RBFOX1: variants seen among roughly 807,000 people sequenced by gnomAD.
The protein encoded by RBFOX1 is RNA binding protein fox-1 homolog 1.
RBFOX1 carries 8 observed loss-of-function variants against 57.7 expected under a neutral mutation model. That is an observed-to-expected ratio of 0.14 (90% confidence interval 0.08 to 0.25). RBFOX1 has a LOEUF of 0.25. Among genes scored for constraint, RBFOX1 ranks in the 10% least tolerant of loss-of-function variants. RBFOX1 has a pLI of 1.00. For synonymous variants in RBFOX1, 326 were observed against 222.4 expected (o/e 1.47, Z -4.15); for missense variants, 611 against 548.5 (o/e 1.11, Z -1.14).
intron 2 of RBFOX1, among the ~76,000 whole-genome samples, chr16:6,597,506 T>C (rs1222645736): frequency 6.6e-6 from 1 of 152,056 alleles, no homozygotes; most frequent in Non-Finnish European, 1.5e-5. Context: ...ACCCTGTCTC[T>C]ACTAAAAATA....
intron 1 of RBFOX1, among the ~76,000 whole-genome samples, chr16:6,192,926 A>G (rs1567649388): frequency 6.6e-6 from 1 of 152,176 alleles, no homozygotes; most frequent in East Asian, 1.9e-4. Context: ...TGAGTGATAT[A>G]TTATGTCGAA....
chr16:7,421,531 T>A (rs148523420), intron 4 of RBFOX1, among the ~76,000 whole-genome samples: 2 of 152,292 alleles, frequency 1.3e-5, no homozygotes, highest in Non-Finnish European at 2.9e-5. Flanking sequence ...AAGGCAGGAA[T>A]CTGAGGTCTG....
intron 3 of RBFOX1, among the ~76,000 whole-genome samples, chr16:5,617,218 A>G (rs951418837): frequency 3.9e-5 from 6 of 152,136 alleles, no homozygotes; most frequent in Non-Finnish European, 8.8e-5. Flanking sequence ...CTTTGACCCC[A>G]GAATCTTTAG....
At chr16:7,532,412 T>C (rs983626048) in intron 5 of RBFOX1, among the ~76,000 whole-genome samples, 3 of 152,164 alleles carry the variant, frequency 2.0e-5, no homozygotes, top group Admixed American at 6.5e-5. Flanking sequence ...AGATAGGGTA[T>C]ATTAATCATT....
At chr16:6,344,921 C>A (rs1331593196) in intron 2 of RBFOX1, among the ~76,000 whole-genome samples, 1 of 149,702 alleles carries the variant, frequency 6.7e-6, no homozygotes, top group Non-Finnish European at 1.5e-5. Flanking sequence ...GAATTTCTGG[C>A]CTCCCAAAGG....
chr16:5,656,767 T>C (rs771178167), intron 3 of RBFOX1, among the ~76,000 whole-genome samples: 17 of 152,214 alleles, frequency 1.1e-4, no homozygotes, highest in Admixed American at 3.3e-4. Context: ...CCATGGTGTA[T>C]ATATGCCACA....
intron 4 of RBFOX1, among the ~76,000 whole-genome samples, chr16:7,145,412 G>T (rs1032005374): frequency 1.3e-5 from 2 of 152,090 alleles, no homozygotes; most frequent in Non-Finnish European, 2.9e-5. Context: ...TCACCATGTT[G>T]GCCAGTCTGG....
At chr16:7,403,427 G>C (rs2098277522) in intron 4 of RBFOX1, among the ~76,000 whole-genome samples, 1 of 152,106 alleles carries the variant, frequency 6.6e-6, no homozygotes. Context: ...TCTCCTGTCT[G>C]TCTATTCCTA....
At chr16:5,691,224 G>T (rs1234231421) in intron 3 of RBFOX1, among the ~76,000 whole-genome samples, 3 of 152,090 alleles carry the variant, frequency 2.0e-5, no homozygotes, top group African/African-American at 7.2e-5. Context: ...AGTTTCTGTT[G>T]CCTGCAAGCA....
intron 4 of RBFOX1, among the ~76,000 whole-genome samples, chr16:7,125,153 A>G (rs1195953263): frequency 1.3e-5 from 2 of 152,184 alleles, no homozygotes; most frequent in Non-Finnish European, 2.9e-5. Flanking sequence ...AAGAGGTAAC[A>G]CTGCATGGTG....
chr16:6,100,458 G>A (rs2096292059), intron 1 of RBFOX1, among the ~76,000 whole-genome samples: 1 of 152,180 alleles, frequency 6.6e-6, no homozygotes, highest in South Asian at 2.1e-4. Context: ...CACCGCGCCC[G>A]GCCGGCTTAT....
intron 12 of RBFOX1, among the ~76,000 whole-genome samples, chr16:7,662,435 T>C (rs2068001823): frequency 1.3e-5 from 2 of 152,138 alleles, no homozygotes; most frequent in African/African-American, 4.8e-5. Flanking sequence ...CTGGAGTTGG[T>C]AAAGCAATGA....
At chr16:6,197,913 C>A (rs1448105679) in intron 1 of RBFOX1, among the ~76,000 whole-genome samples, 1 of 152,128 alleles carries the variant, frequency 6.6e-6, no homozygotes, top group African/African-American at 2.4e-5. Context: ...GGTTTTCTGT[C>A]CCTGCATTAG....
intron 3 of RBFOX1, among the ~76,000 whole-genome samples, chr16:6,962,820 A>C (rs997791618): frequency 6.6e-6 from 1 of 150,882 alleles, no homozygotes; most frequent in Non-Finnish European, 1.5e-5. Context: ...AGCTGTGATC[A>C]TGCCACTGCA....
At chr16:7,308,810 C>T (rs2096250127) in intron 4 of RBFOX1, among the ~76,000 whole-genome samples, 2 of 152,202 alleles carry the variant, frequency 1.3e-5, no homozygotes, top group African/African-American at 2.4e-5. Flanking sequence ...ATGCACCAGC[C>T]ACGGTTATAA....
At chr16:7,452,361 C>T (rs1490741366) in intron 4 of RBFOX1, among the ~76,000 whole-genome samples, 5 of 152,170 alleles carry the variant, frequency 3.3e-5, no homozygotes, top group Admixed American at 1.3e-4. Context: ...GTGCTAAGAG[C>T]TTAGAACAAC....
intron 3 of RBFOX1, among the ~76,000 whole-genome samples, chr16:5,767,983 A>C (rs2053846478): frequency 6.6e-6 from 1 of 152,130 alleles, no homozygotes; most frequent in African/African-American, 2.4e-5. Flanking sequence ...AAAAAATGTT[A>C]AGAAACAGTC....
chr16:7,704,121 C>A (rs960007206), intron 14 of RBFOX1, among the ~76,000 whole-genome samples: 9 of 152,180 alleles, frequency 5.9e-5, no homozygotes, highest in African/African-American at 1.7e-4. Flanking sequence ...CTGTCCAAGT[C>A]ATGAGAGCAA....
At chr16:6,925,222 C>A (rs931779837) in intron 3 of RBFOX1, among the ~76,000 whole-genome samples, 1 of 138,734 alleles carries the variant, frequency 7.2e-6, no homozygotes, top group Admixed American at 7.8e-5. Context: ...AAGCCTCTGC[C>A]TCCCGGGCTC....
Sources: allele counts gnomAD v4.1 joint callset (sites outside exome capture counted in the v4.1 genomes callset), GRCh38; gene constraint gnomAD v4.1.1; transcripts MANE v1.5; gene names NCBI Gene and HGNC (gene_info 2026-07-23, HGNC 2026-07-21).